Variants in CDC42BPA observed in about 807,000 individuals in gnomAD.
The protein encoded by CDC42BPA is CDC42 binding protein kinase alpha, also known as serine/threonine-protein kinase MRCK alpha.
CDC42BPA carries 80 observed loss-of-function variants against 223.5 expected under a neutral mutation model. The observed-to-expected ratio is 0.36, with a 90% CI of 0.30 to 0.43. The LOEUF (loss-of-function observed/expected upper bound fraction) is 0.43, where lower values mean the gene tolerates loss of function less well. Ranked by LOEUF, CDC42BPA falls within the 20% of genes least tolerant of loss-of-function variation. The probability of loss-of-function intolerance (pLI) is 1.00; values close to 1 mark genes in which losing one functional copy is unlikely to be tolerated. For missense variants in CDC42BPA, 1,743 were observed against 2,099.9 expected (o/e 0.83, Z 3.32); for synonymous variants, 694 against 718.6 (o/e 0.97, Z 0.55).
At chr1:227,068,314 G>A (rs536764933) in intron 21 of CDC42BPA, among the ~76,000 whole-genome samples, 1 of 150,896 alleles carries the variant, frequency 6.6e-6, no homozygotes, top group South Asian at 2.1e-4. Context: ...AAAGGGAAAA[G>A]TAAAATAGAA....
chr1:227,006,849 A>C (rs1024681925), intron 34 of CDC42BPA, among the ~76,000 whole-genome samples: 7 of 152,136 alleles, frequency 4.6e-5, no homozygotes, highest in Non-Finnish European at 8.8e-5. Context: ...AGGCAGGAGA[A>C]TCACTTGAAT....
At chr1:226,996,157 G>A (rs774646448) in intron 35 of CDC42BPA, among the ~76,000 whole-genome samples, 4 of 152,122 alleles carry the variant, frequency 2.6e-5, no homozygotes, top group Non-Finnish European at 4.4e-5. Flanking sequence ...GCATTTCCTC[G>A]ACACTGGAAC....
chr1:227,212,144 T>TA (rs1282879659), intron 3 of CDC42BPA, among the ~76,000 whole-genome samples: 1 of 152,040 alleles, frequency 6.6e-6, no homozygotes, highest in Non-Finnish European at 1.5e-5. Context: ...GCCAAAATGT[T>TA]ATTAGTTCTG....
chr1:227,229,313 A>C (rs1457018212), intron 2 of CDC42BPA, among the ~76,000 whole-genome samples: 1 of 152,188 alleles, frequency 6.6e-6, no homozygotes, highest in Non-Finnish European at 1.5e-5. Context: ...AAAAACCAAT[A>C]GTCCATAAAT....
chr1:227,199,289 G>A (rs554763361), intron 4 of CDC42BPA, among the ~76,000 whole-genome samples: 17 of 152,088 alleles, frequency 1.1e-4, no homozygotes, highest in Non-Finnish European at 2.1e-4. Context: ...AAAAACTCCT[G>A]AAGACCGTCT....
rs1669915529 is a variant in CDC42BPA at position 227,034,698 on chromosome 1, C to T, written c.3433G>A (p.Ala1145Thr). The stretch of plus-strand genomic sequence containing the variant: ...CTAATGACAACACTGGGCTGAGATG[C>T]TTTTCCTTCAGCAATATCGTACAGA... ...LFLYDIAEGK[A>T]SQPSVVISQV... Residue 1145 changes from alanine (A) to threonine (T), a missense_variant, in exon 26 of 37, where the codon GCA becomes ACA. Coordinates refer to ENST00000366766, the MANE Select transcript of CDC42BPA (RefSeq NM_001394014.1). 6 of 1,613,662 alleles carry T rather than the reference C, an allele frequency of 3.7e-6. No individual in the cohort carries two copies. Among genetic ancestry groups the T allele is most frequent in the Non-Finnish European group, 5.1e-6 (6 of 1,179,732 alleles).
chr1:226,996,623 T>C (rs1661668503), intron 35 of CDC42BPA, among the ~76,000 whole-genome samples: 1 of 152,224 alleles, frequency 6.6e-6, no homozygotes. Flanking sequence ...AGCTATTATT[T>C]TGAGATACGT....
At chr1:227,105,487 G>T (rs1430370177) in intron 14 of CDC42BPA, among the ~76,000 whole-genome samples, 1 of 150,734 alleles carries the variant, frequency 6.6e-6, no homozygotes, top group Non-Finnish European at 1.5e-5. Context: ...CTGAGTAGCT[G>T]GGACTACAGG....
At chr1:227,175,124 T>C (rs902871738) in intron 5 of CDC42BPA, among the ~76,000 whole-genome samples, 6 of 152,242 alleles carry the variant, frequency 3.9e-5, no homozygotes, top group African/African-American at 1.4e-4. Flanking sequence ...ATAAATAATT[T>C]GATTATCAGG....
At chr1:227,060,043 T>A (rs557119981) in intron 21 of CDC42BPA, among the ~76,000 whole-genome samples, 1 of 145,058 alleles carries the variant, frequency 6.9e-6, no homozygotes, top group African/African-American at 2.5e-5. Context: ...TTTTTTTTTT[T>A]TTTTTGAGAC....
At chr1:227,143,238 C>G (rs1660022519) in intron 8 of CDC42BPA, among the ~76,000 whole-genome samples, 1 of 152,246 alleles carries the variant, frequency 6.6e-6, no homozygotes, top group African/African-American at 2.4e-5. Flanking sequence ...AATGAAGATT[C>G]AAAGTCTGAT....
intron 2 of CDC42BPA, among the ~76,000 whole-genome samples, chr1:227,250,764 A>G (rs1213547987): frequency 9.2e-5 from 14 of 152,008 alleles, no homozygotes; most frequent in Admixed American, 8.5e-4. Context: ...AAGAAATACT[A>G]AAGAGGGCCA....
At chr1:227,020,195 C>T (rs1042446695) in intron 32 of CDC42BPA, among the ~76,000 whole-genome samples, 2 of 152,192 alleles carry the variant, frequency 1.3e-5, no homozygotes, top group Admixed American at 6.5e-5. Context: ...CATGCCCAAC[C>T]GAGTTACTGT....
At chr1:227,166,516 G>A (rs1314523446) in intron 5 of CDC42BPA, among the ~76,000 whole-genome samples, 1 of 152,150 alleles carries the variant, frequency 6.6e-6, no homozygotes, top group Non-Finnish European at 1.5e-5. Context: ...ATCACCTCGA[G>A]CAAAAGAAAA....
intron 15 of CDC42BPA, among the ~76,000 whole-genome samples, chr1:227,094,014 C>G (rs667621): frequency 0.28 from 43,086 of 151,996 alleles, 6,319 homozygotes; most frequent in African/African-American, 0.35. Flanking sequence ...GGGAGGCCAA[C>G]TATCTTTAAC....
At chr1:227,032,969 A>G (rs1669577063) in intron 27 of CDC42BPA, among the ~76,000 whole-genome samples, 1 of 152,278 alleles carries the variant, frequency 6.6e-6, no homozygotes, top group South Asian at 2.1e-4. Context: ...GTTACAAAGC[A>G]GTAAGTAACA....
intron 2 of CDC42BPA, among the ~76,000 whole-genome samples, chr1:227,220,282 T>TTATATATATATATATATATATATATATA (rs368690606): frequency 9.9e-6 from 1 of 100,900 alleles, no homozygotes. Context: ...AAAAGTCATG[T>TTATATATATATATATATATATATATATA]TATATATATA....
chr1:227,314,789 T>C (rs532791636), intron 1 of CDC42BPA, among the ~76,000 whole-genome samples: 1 of 152,002 alleles, frequency 6.6e-6, no homozygotes, highest in East Asian at 1.9e-4. Context: ...TTTTCAATTA[T>C]TAAAAATTAA....
chr1:227,167,790 T>G (rs2149883928), intron 5 of CDC42BPA, among the ~76,000 whole-genome samples: 1 of 152,340 alleles, frequency 6.6e-6, no homozygotes, highest in South Asian at 2.1e-4. Flanking sequence ...CTAGTATGTA[T>G]ATCTAGACAT....
Sources: gnomAD v4.1 joint callset for allele counts (sites outside exome capture counted in the v4.1 genomes callset) on GRCh38, gnomAD v4.1.1 for gene constraint, MANE v1.5 for transcripts, NCBI Gene and HGNC (gene_info 2026-07-23, HGNC 2026-07-21) for gene names.